Variants in NRXN3 observed in about 807,000 individuals in gnomAD.
NRXN3 encodes the protein neurexin III.
NRXN3 carries 32 observed loss-of-function variants against 137.6 expected under a neutral mutation model. That is an observed-to-expected ratio of 0.23 (90% confidence interval 0.18 to 0.31). NRXN3 has a LOEUF of 0.31. Ranked by LOEUF, NRXN3 falls within the 10% of genes least tolerant of loss-of-function variation. The pLI is 1.00. For synonymous variants in NRXN3, 798 were observed against 784.5 expected, an observed-to-expected ratio of 1.02 and a Z score of -0.29; for missense variants, 1,574 against 2,062.5, an observed-to-expected ratio of 0.76 and a Z score of 4.59.
chr14:79,710,553 A>AATTCATTAGCCTAGACAAGGAGT (rs1411245724), intron 19 of NRXN3, among the ~76,000 whole-genome samples: 1 of 152,196 alleles, frequency 6.6e-6, no homozygotes, highest in Non-Finnish European at 1.5e-5. Context: ...TAAAATGGCA[A>AATTCATTAGCCTAGACAAGGAGT]ATTCATTAGC....
chr14:79,308,380 G>A (rs1304835700), intron 15 of NRXN3, among the ~76,000 whole-genome samples: 1 of 152,040 alleles, frequency 6.6e-6, no homozygotes, highest in East Asian at 1.9e-4. Flanking sequence ...CTGCCTTTCT[G>A]ATTGCTCGTT....
chr14:78,343,854 A>AT (rs1157634759), intron 4 of NRXN3, among the ~76,000 whole-genome samples: 1 of 152,202 alleles, frequency 6.6e-6, no homozygotes, highest in African/African-American at 2.4e-5. Context: ...GCATCAATGT[A>AT]TTATAAAGCT....
intron 10 of NRXN3, among the ~76,000 whole-genome samples, chr14:78,834,807 GA>G (rs1476103303): frequency 6.6e-6 from 1 of 152,200 alleles, no homozygotes; most frequent in Admixed American, 6.5e-5. Context: ...GAAGGTTAAG[GA>G]GCAAGTTGTG....
At chr14:78,399,285 A>T (rs542999043) in intron 4 of NRXN3, among the ~76,000 whole-genome samples, 11 of 152,298 alleles carry the variant, frequency 7.2e-5, no homozygotes, top group African/African-American at 2.2e-4. Flanking sequence ...TAAAATATTT[A>T]AAAAATCTTA....
At chr14:79,057,864 C>A (rs374634494) in intron 15 of NRXN3, among the ~76,000 whole-genome samples, 8 of 150,782 alleles carry the variant, frequency 5.3e-5, no homozygotes. Flanking sequence ...AAGGATGAGA[C>A]GAGGTTAAAA....
chr14:78,778,682 C>CTTTCTTTCTT (rs2098753408), intron 8 of NRXN3, among the ~76,000 whole-genome samples: 1 of 72,858 alleles, frequency 1.4e-5, no homozygotes, highest in African/African-American at 5.6e-5. Flanking sequence ...CTTTTCTTTT[C>CTTTCTTTCTT]TTTCTTTCTT....
chr14:79,789,242 A>G (rs1277793321), intron 19 of NRXN3, among the ~76,000 whole-genome samples: 1 of 152,118 alleles, frequency 6.6e-6, no homozygotes, highest in African/African-American at 2.4e-5. Flanking sequence ...TGGGTAGGGA[A>G]TTTTAGGATT....
At chr14:78,188,694 C>G (rs1249839909) in intron 1 of NRXN3, among the ~76,000 whole-genome samples, 1 of 152,058 alleles carries the variant, frequency 6.6e-6, no homozygotes, top group African/African-American at 2.4e-5. Flanking sequence ...TCAGAGCAGC[C>G]AAATGTGAAT....
chr14:79,798,124 C>T (rs2099166563), intron 19 of NRXN3, among the ~76,000 whole-genome samples: 1 of 151,452 alleles, frequency 6.6e-6, no homozygotes, highest in Non-Finnish European at 1.5e-5. Flanking sequence ...AAAAATCATC[C>T]AGTTGTATGT....
chr14:79,768,839 C>G (rs1203402069), intron 19 of NRXN3, among the ~76,000 whole-genome samples: 4 of 151,902 alleles, frequency 2.6e-5, no homozygotes, highest in Non-Finnish European at 5.9e-5. Flanking sequence ...TACGGGAGGA[C>G]ATTCAAACCA....
intron 15 of NRXN3, among the ~76,000 whole-genome samples, chr14:79,002,157 A>G (rs2099542720): frequency 6.6e-6 from 1 of 152,106 alleles, no homozygotes; most frequent in Non-Finnish European, 1.5e-5. Context: ...TAGCACAAAT[A>G]TTCTGTGTAT....
intron 1 of NRXN3, among the ~76,000 whole-genome samples, chr14:78,211,615 CTTAA>C (rs1324453514): frequency 2.0e-5 from 3 of 152,250 alleles, no homozygotes; most frequent in Admixed American, 6.5e-5. Context: ...TATAACGATG[CTTAA>C]TTAAAGTGCA....
At chr14:78,190,046 A>G (rs889227057) in intron 1 of NRXN3, among the ~76,000 whole-genome samples, 3 of 152,200 alleles carry the variant, frequency 2.0e-5, no homozygotes, top group East Asian at 1.9e-4. Flanking sequence ...ATCACCCTGA[A>G]GGCTGGTTGG....
At chr14:79,113,620 A>G (rs1380117013) in intron 15 of NRXN3, among the ~76,000 whole-genome samples, 1 of 152,114 alleles carries the variant, frequency 6.6e-6, no homozygotes, top group African/African-American at 2.4e-5. Flanking sequence ...CTCACTGTCT[A>G]CTTTCTGGAA....
intron 15 of NRXN3, among the ~76,000 whole-genome samples, chr14:79,012,859 TC>T (rs1191089347): frequency 1.3e-5 from 2 of 152,258 alleles, no homozygotes; most frequent in Admixed American, 6.5e-5. Flanking sequence ...TTTCCCCCCA[TC>T]AAACCGTGGA....
At chr14:78,418,318 G>A (rs2093259958) in intron 4 of NRXN3, among the ~76,000 whole-genome samples, 1 of 152,158 alleles carries the variant, frequency 6.6e-6, no homozygotes, top group Non-Finnish European at 1.5e-5. Context: ...TATGTTGGTG[G>A]ATTTGGGGCT....
chr14:79,832,183 T>C (rs1052194958), intron 20 of NRXN3, among the ~76,000 whole-genome samples: 1 of 152,198 alleles, frequency 6.6e-6, no homozygotes, highest in African/African-American at 2.4e-5. Context: ...TTAATTGTAA[T>C]ATTTTCATTT....
intron 10 of NRXN3, among the ~76,000 whole-genome samples, chr14:78,851,801 T>C (rs891097006): frequency 1.3e-5 from 2 of 152,126 alleles, no homozygotes; most frequent in African/African-American, 4.8e-5. Flanking sequence ...AACAAGAAGG[T>C]CAGAGGCAGA....
intron 15 of NRXN3, among the ~76,000 whole-genome samples, chr14:79,149,265 C>A (rs1028585868): frequency 5.3e-5 from 8 of 151,976 alleles, no homozygotes; most frequent in African/African-American, 1.9e-4. Context: ...TCTGCACTGA[C>A]CTTTGACCTG....
Sources: allele counts gnomAD v4.1 joint callset (sites outside exome capture counted in the v4.1 genomes callset), GRCh38; gene constraint gnomAD v4.1.1; transcripts MANE v1.5; gene names NCBI Gene and HGNC (gene_info 2026-07-23, HGNC 2026-07-21).